The following HGF variants were observed in gnomAD, a reference collection of about 807,000 sequenced individuals.
The protein encoded by HGF is fibroblast-derived tumor cytotoxic factor.
A neutral mutation model predicts 111.6 loss-of-function variants in HGF; 39 were observed. The ratio of observed to expected loss-of-function variants is 0.35; its 90% CI spans 0.27 to 0.46. HGF has a LOEUF of 0.46. Ranked by LOEUF, HGF falls within the 20% of genes least tolerant of loss-of-function variation. The probability of loss-of-function intolerance (pLI) is 1.00; values close to 1 mark genes in which losing one functional copy is unlikely to be tolerated. For missense variants in HGF, 735 were observed against 910.5 expected (o/e 0.81, Z 2.48); for synonymous variants, 285 against 294.8 (o/e 0.97, Z 0.34).
At chr7:81,722,152 T>G (rs1009350648) in intron 9 of HGF, among the ~76,000 whole-genome samples, 1 of 152,124 alleles carries the variant, frequency 6.6e-6, no homozygotes, top group Non-Finnish European at 1.5e-5. Context: ...GTTATTCATT[T>G]TGATGCTCAA....
At chr7:81,763,173 C>T (rs1301851559) in intron 1 of HGF, among the ~76,000 whole-genome samples, 1 of 152,106 alleles carries the variant, frequency 6.6e-6, no homozygotes, top group Non-Finnish European at 1.5e-5. Flanking sequence ...ATGATATTTT[C>T]CAAACATCAT....
chr7:81,732,246 A>C (rs1195882046), intron 7 of HGF, among the ~76,000 whole-genome samples: 1 of 152,174 alleles, frequency 6.6e-6, no homozygotes, highest in Non-Finnish European at 1.5e-5. Context: ...CACAAGTATG[A>C]TTTGCCAGAT....
At chr7:81,746,755 A>C (rs565388865) in intron 5 of HGF, among the ~76,000 whole-genome samples, 1 of 152,290 alleles carries the variant, frequency 6.6e-6, no homozygotes, top group East Asian at 1.9e-4. Flanking sequence ...ATTGAGCAGT[A>C]TTATAAAAAT....
rs1329989557 is a variant in HGF, at chr7:81,762,879, A to T, written c.89-7T>A. The T allele has an allele frequency of 6.9e-7, 1 of 1,455,398 alleles. No individual in the cohort carries two copies. The allele number at this position is 1,455,398 out of a possible 1,614,324, so 90.2% of individuals were successfully genotyped here. A position where few individuals can be genotyped will look rare whatever the true frequency, so the allele number is the denominator to read the frequency against. On this transcript the variant is annotated splice_region_variant and splice_polypyrimidine_tract_variant and intron_variant, in intron 1 of 17. Coordinates refer to ENST00000222390, the MANE Select transcript of HGF (RefSeq NM_000601.6). Reference sequence around the variant, plus strand: ...CTTCTTTTCCTTTGTCCCTCTATTAAATACAAAATGTTTTAAAAAAATAAA... The same window carrying T: ...CTTCTTTTCCTTTGTCCCTCTATTATATACAAAATGTTTTAAAAAAATAAA...
intron 15 of HGF, among the ~76,000 whole-genome samples, 181 bp downstream of exon 15, chr7:81,706,106 T>C (rs1789417749): frequency 6.6e-6 from 1 of 151,906 alleles, no homozygotes; most frequent in African/African-American, 2.4e-5. Flanking sequence ...GTTTTGCAAA[T>C]ACCTTTCTCT....
intron 5 of HGF, among the ~76,000 whole-genome samples, chr7:81,748,960 A>T (rs1408643978): frequency 6.6e-6 from 1 of 152,228 alleles, no homozygotes; most frequent in Non-Finnish European, 1.5e-5. Flanking sequence ...TTTTGAAAGT[A>T]TCTGAATCTA....
chr7:81,733,413 C>A (rs1408745809), intron 7 of HGF, among the ~76,000 whole-genome samples: 2 of 151,566 alleles, frequency 1.3e-5, no homozygotes, highest in Non-Finnish European at 2.9e-5. Context: ...AAATAAATAT[C>A]CATAACTTTA....
Position 81,720,839 on chromosome 7 carries a change from G to C in HGF, c.1177C>G (p.Arg393Gly), listed in dbSNP as rs758567520. 1 of 1,569,566 alleles carries C rather than the reference G, an allele frequency of 6.4e-7. No individual in the cohort carries two copies. Among genetic ancestry groups the C allele is most frequent in the East Asian group, 2.2e-5 (1 of 44,604 alleles). The change falls in exon 10 of 18, where the codon CGT becomes GGT. Residue 393 changes from arginine (R) to glycine (G), a missense_variant. Physicochemically the swap from Arg to Gly is moderately radical, Grantham distance 125. This residue lies in a region of HGF where 553 missense variants were observed against 685.6 expected (regional missense o/e 0.81). Coordinates refer to ENST00000222390, the MANE Select transcript of HGF (RefSeq NM_000601.6). ...CCCATATAATTTTTGCCATTCCCAC[G>C]ATAACAATCTAGACATAAAATATAC... is the stretch of plus-strand genomic sequence containing the variant. Reference protein sequence around the residue: ...CDMSHGQDCYRGNGKNYMGNL... With the variant: ...CDMSHGQDCYGGNGKNYMGNL...
chr7:81,729,383 CT>C (rs923656373), intron 8 of HGF, among the ~76,000 whole-genome samples: 1 of 152,150 alleles, frequency 6.6e-6, no homozygotes, highest in Non-Finnish European at 1.5e-5. Flanking sequence ...CCCTCTGGAT[CT>C]GAACCACCTA....
At position 81,762,706 on chromosome 7, in the gene HGF, C is replaced by T. The variant is rs2116238830; in HGVS notation, c.254+1G>A. The T allele has an allele frequency of 6.2e-7, 1 of 1,604,592 alleles. No individual in the cohort carries two copies. The highest frequency in any genetic ancestry group is 1.3e-5 in the African/African-American group (1 of 74,848). On this transcript the variant is annotated splice_donor_variant, in intron 2 of 17. Transcript: ENST00000222390. LOFTEE classifies it high-confidence loss of function. ...TCTAAGAAGAAAATGAAGTAACTTA[C>T]TTGCAAGTGAATGGAAGTCCTTTAT... is the stretch of plus-strand genomic sequence containing the variant.
chr7:81,758,825 A>G (rs769846925), intron 2 of HGF, 21 bp from the exon 3 acceptor site: 12 of 1,477,098 alleles, frequency 8.1e-6, no homozygotes, highest in Admixed American at 1.7e-5. Flanking sequence ...TATCAGAATG[A>G]AAAGAAGAAA....
intron 7 of HGF, among the ~76,000 whole-genome samples, chr7:81,741,565 GTA>G (rs1491324272): frequency 1.1e-4 from 17 of 150,146 alleles, no homozygotes; most frequent in African/African-American, 4.2e-4. Flanking sequence ...AGGTGAGTGT[GTA>G]TGTGTGTGTG....
chr7:81,758,904 A>G, intron 2 of HGF, 100 bp from the exon 3 acceptor site: 1 of 729,598 alleles, frequency 1.4e-6, no homozygotes, highest in Non-Finnish European at 2.4e-6. Context: ...TATGGACAAT[A>G]TAGAAACAAA....
intron 1 of HGF, among the ~76,000 whole-genome samples, chr7:81,763,461 A>G (rs907345420): frequency 6.6e-6 from 1 of 152,148 alleles, no homozygotes; most frequent in African/African-American, 2.4e-5. Context: ...GTATCACCGA[A>G]CTATTTGTCT....
intron 14 of HGF, 94 bp from the exon 15 acceptor site, chr7:81,706,521 A>T: frequency 1.0e-6 from 1 of 1,003,010 alleles, no homozygotes; most frequent in South Asian, 1.4e-5. Flanking sequence ...CTATTAAGGC[A>T]CATAACCTAA....
intron 9 of HGF, among the ~76,000 whole-genome samples, chr7:81,721,801 A>G (rs1789871291): frequency 6.6e-6 from 1 of 152,214 alleles, no homozygotes; most frequent in Non-Finnish European, 1.5e-5. Context: ...TGCAAAGGAA[A>G]AACTCCTCTG....
At chr7:81,754,430 CA>C (rs1379247742) in intron 4 of HGF, among the ~76,000 whole-genome samples, 2 of 150,014 alleles carry the variant, frequency 1.3e-5, no homozygotes, top group African/African-American at 2.4e-5. Flanking sequence ...TTTGTAAAGC[CA>C]AAAAAAAGCT....
intron 17 of HGF, 53 bp downstream of exon 17, chr7:81,705,337 T>C: frequency 2.6e-6 from 4 of 1,543,532 alleles, no homozygotes; most frequent in Non-Finnish European, 3.6e-6. Flanking sequence ...AAAATAAACA[T>C]GAAACACTAA....
intron 7 of HGF, among the ~76,000 whole-genome samples, chr7:81,741,508 C>A (rs1787999442): frequency 6.6e-6 from 1 of 151,522 alleles, no homozygotes; most frequent in Admixed American, 6.6e-5. Context: ...AAGAGGAGGG[C>A]AACATTTGGA....
Sources: gnomAD v4.1 joint callset for allele counts (sites outside exome capture counted in the v4.1 genomes callset) on GRCh38, gnomAD v4.1.1 for gene constraint, gnomAD v4.1.1 regional missense constraint, MANE v1.5 for transcripts, NCBI Gene and HGNC (gene_info 2026-07-23, HGNC 2026-07-21) for gene names.